Variants in KCNT1 observed in about 807,000 individuals in gnomAD.
KCNT1 encodes potassium channel subfamily T member 1.
KCNT1 carries 78 observed loss-of-function variants against 147.8 expected under a neutral mutation model. The observed-to-expected ratio is 0.53, with a 90% confidence interval of 0.44 to 0.64. The LOEUF is 0.64. Ranked by LOEUF, KCNT1 falls within the 30% of genes least tolerant of loss-of-function variation. KCNT1 has a pLI of 0.00. For synonymous variants in KCNT1, 867 were observed against 748.8 expected (o/e 1.16, Z -2.58); for missense variants, 1,419 against 1,750.3 (o/e 0.81, Z 3.38).
At chr9:135,769,020 GGCGCATGT>G (rs1200688610) in intron 15 of KCNT1, 83 bp downstream of exon 15, 1 of 1,083,392 alleles carries the variant, frequency 9.2e-7, no homozygotes, top group African/African-American at 1.6e-5. Flanking sequence ...TCTGGGGCAG[GGCGCATGT>G]GCACATGTGT....
chr9:135,761,867 C>T (rs1340671601), intron 11 of KCNT1, among the ~76,000 whole-genome samples: 1 of 152,246 alleles, frequency 6.6e-6, no homozygotes, highest in African/African-American at 2.4e-5. Context: ...GCAGCTCCAC[C>T]TTCGGGCTGC....
Position 135,792,260 on chromosome 9 carries a change from A to AT in KCNT1, c.*100dup. ...CGGTGGCACTAGCGTGACCCTGGGG[A>AT]TGGCACACTCTACTCACCATGGCTC... On this transcript the variant is annotated 3_prime_UTR_variant, in exon 31 of 31. Transcript: ENST00000371757. The AT allele has an allele frequency of 7.1e-7, 1 of 1,404,284 alleles. No homozygotes were observed. Among genetic ancestry groups the AT allele is most frequent in the South Asian group, 1.4e-5 (1 of 72,874 alleles). 87.0% of individuals were successfully genotyped at this position (1,404,284 alleles called of 1,614,324 possible). A position where few individuals can be genotyped will look rare whatever the true frequency, so the allele number is the denominator to read the frequency against.
intron 2 of KCNT1, among the ~76,000 whole-genome samples, chr9:135,715,844 G>C (rs1835700843): frequency 6.6e-6 from 1 of 152,198 alleles, no homozygotes. Context: ...ATAACATTTG[G>C]TTGTGTGAAC....
chr9:135,784,511 C>CCG, intron 25 of KCNT1, 24 bp from the exon 26 acceptor site: 1 of 520,328 alleles, frequency 1.9e-6, no homozygotes, highest in Non-Finnish European at 3.6e-6. Context: ...CCCTCCCTCC[C>CCG]TCCCTCCCTC....
At chr9:135,707,076 G>C (rs1028538745) in intron 1 of KCNT1, among the ~76,000 whole-genome samples, 1 of 151,620 alleles carries the variant, frequency 6.6e-6, no homozygotes, top group African/African-American at 2.4e-5. Flanking sequence ...TTTGAGGCCA[G>C]GAGTTGGAGA....
chr9:135,768,686 G>A lies in KCNT1; in HGVS notation c.1401+13G>A. ...CCGCACGGCTGCAGTGAGTGAGGCT[G>A]AGGCCCTGCCCAGGCGGGAGGGGCA... On this transcript the variant is annotated intron_variant, in intron 14 of 30. Transcript: ENST00000371757. 1.3e-6 allele frequency: 2 copies of A among 1,549,804 alleles called. No homozygotes were observed. Among genetic ancestry groups the A allele is most frequent in the Non-Finnish European group, 1.7e-6 (2 of 1,146,458 alleles).
intron 2 of KCNT1, among the ~76,000 whole-genome samples, chr9:135,737,332 C>T (rs959214595): frequency 5.3e-5 from 8 of 152,146 alleles, no homozygotes; most frequent in African/African-American, 1.2e-4. Context: ...GGTGGAGCAG[C>T]GCCTACCCCT....
At chr9:135,705,696 C>T (rs950943944) in intron 1 of KCNT1, among the ~76,000 whole-genome samples, 4 of 152,254 alleles carry the variant, frequency 2.6e-5, no homozygotes, top group African/African-American at 7.2e-5. Context: ...CCACTTTCAC[C>T]TGTGGAACTT....
intron 4 of KCNT1, among the ~76,000 whole-genome samples, chr9:135,753,356 A>G (rs7035550): frequency 0.28 from 41,913 of 152,124 alleles, 6,119 homozygotes; most frequent in Middle Eastern, 0.36. Flanking sequence ...GTCTGGGACA[A>G]AACTAGCTTG....
chr9:135,782,203 CAAAA>C (rs57801735), intron 24 of KCNT1, among the ~76,000 whole-genome samples: 2 of 151,748 alleles, frequency 1.3e-5, no homozygotes, highest in East Asian at 1.9e-4. Context: ...GACCCTGTCT[CAAAA>C]AAAACCAAGC....
intron 11 of KCNT1, 81 bp from the exon 12 acceptor site, chr9:135,764,950 T>C: frequency 1.4e-6 from 2 of 1,474,032 alleles, no homozygotes; most frequent in South Asian, 2.6e-5. Flanking sequence ...CAGACAGTCG[T>C]GTGTCAGGGC....
At chr9:135,719,281 C>T (rs1005275395) in intron 2 of KCNT1, among the ~76,000 whole-genome samples, 18 of 152,206 alleles carry the variant, frequency 1.2e-4, no homozygotes, top group African/African-American at 4.3e-4. Context: ...AAGGGCAGCT[C>T]GAGGAGCCAG....
At position 135,758,799 on chromosome 9, in the gene KCNT1, C is replaced by T. The variant is rs1468323589; in HGVS notation, c.854+291C>T. On this transcript the variant is annotated intron_variant, in intron 10 of 30. Transcript: ENST00000371757. ...TGGACGTAGAGAAGGGGACTGGCCC[C>T]TAGGCCAGGTGGGGTCTCTTGGCTG... 3.3e-5 allele frequency among the ~76,000 whole-genome samples: 5 copies of T among 152,226 alleles called. No homozygotes were observed. In the South Asian group the frequency reaches 8.3e-4, roughly 25 times the overall value.
At chr9:135,739,533 C>T (rs1830474703) in intron 2 of KCNT1, among the ~76,000 whole-genome samples, 1 of 152,132 alleles carries the variant, frequency 6.6e-6, no homozygotes, top group Non-Finnish European at 1.5e-5. Flanking sequence ...CTGGCTGCTC[C>T]TCCATGCCCC....
At chr9:135,773,776 C>T (rs761150411) in intron 19 of KCNT1, among the ~76,000 whole-genome samples, 2 of 152,198 alleles carry the variant, frequency 1.3e-5, no homozygotes, top group Non-Finnish European at 1.5e-5. Context: ...TGAACCATTG[C>T]ATGTGTGTGT....
chr9:135,784,059 G>A lies in KCNT1; in HGVS notation c.2877G>A (p.Met959Ile). 2 of 1,605,890 alleles carry A rather than the reference G, an allele frequency of 1.2e-6. No homozygotes were observed. Among genetic ancestry groups the A allele is most frequent in the South Asian group, 1.1e-5 (1 of 91,086 alleles). Reference protein sequence around the residue: ...ERENGSNLAFMFRLPFAAGRV... With the variant: ...ERENGSNLAFIFRLPFAAGRV... ...AGAATGGCTCCAACCTGGCCTTCAT[G>A]TTCCGCCTGCCGTTCGCCGCCGGCC... The change falls in exon 25 of 31, where the codon ATG becomes ATA. Residue 959 changes from methionine (M) to isoleucine (I), a missense_variant. By Grantham distance (10) the Met-to-Ile change is conservative (BLOSUM62 1). Transcript: ENST00000371757.
intron 1 of KCNT1, among the ~76,000 whole-genome samples, chr9:135,709,207 T>C (rs950567903): frequency 6.6e-6 from 1 of 151,886 alleles, no homozygotes; most frequent in Non-Finnish European, 1.5e-5. Context: ...AGCGGTCGTG[T>C]TTAGTTTTTA....
chr9:135,778,506 G>A lies in KCNT1; in HGVS notation c.2594+11G>A, dbSNP rs1260716305. 2 of 1,583,706 alleles carry A rather than the reference G, an allele frequency of 1.3e-6. No homozygotes were observed. Among genetic ancestry groups the A allele is most frequent in the East Asian group, 2.3e-5 (1 of 43,110 alleles). On this transcript the variant is annotated intron_variant, in intron 22 of 30. Coordinates refer to ENST00000371757, the MANE Select transcript of KCNT1 (RefSeq NM_020822.3). ...GGGCTCTGTGGACAAGTAAGGCGTGGCCGGCCGAGGCTCGTGGGGGCTCCA... is the reference window on the plus strand; with the variant it reads ...GGGCTCTGTGGACAAGTAAGGCGTGACCGGCCGAGGCTCGTGGGGGCTCCA...
Position 135,770,073 on chromosome 9 carries a change from C to G in KCNT1, c.1619+18C>G. 1 of 1,540,872 alleles carries G rather than the reference C, an allele frequency of 6.5e-7. No homozygotes were observed. Among genetic ancestry groups the G allele is most frequent in the South Asian group, 1.2e-5 (1 of 83,702 alleles). On this transcript the variant is annotated intron_variant, in intron 16 of 30. Coordinates refer to ENST00000371757, the MANE Select transcript of KCNT1 (RefSeq NM_020822.3). ...CGCGGCCAGTGAGTGCCCCGTGCCC[C>G]GGGGGACCGACCTCCATGGCGGGGC...
Sources: allele counts gnomAD v4.1 joint callset (sites outside exome capture counted in the v4.1 genomes callset), GRCh38; gene constraint gnomAD v4.1.1; transcripts MANE v1.5; gene names NCBI Gene and HGNC (gene_info 2026-07-23, HGNC 2026-07-21).